Variants in TGM7 observed in about 807,000 individuals in gnomAD.
The protein encoded by TGM7 is transglutaminase 7.
A neutral mutation model predicts 79.5 loss-of-function variants in TGM7; 74 were observed. That is an observed-to-expected ratio of 0.93 (90% CI 0.77 to 1.13). The LOEUF (loss-of-function observed/expected upper bound fraction) is 1.13. Ranked by LOEUF, TGM7 falls within the 50% of genes most tolerant of loss-of-function variation. The probability of loss-of-function intolerance (pLI) is 0.00; values close to 1 mark genes in which losing one functional copy is unlikely to be tolerated. For missense variants in TGM7, 912 were observed against 905.9 expected (o/e 1.01, Z -0.09); for synonymous variants, 354 against 362.5 (o/e 0.98, Z 0.27).
rs1566846733 is a variant in TGM7 at position 43,293,461 on chromosome 15, C to T, written c.181G>A (p.Val61Met). Reference protein sequence around the residue: ...FQSQNDHITFVAETGPKPSEL... With the variant: ...FQSQNDHITFMAETGPKPSEL... Reference sequence around the variant, plus strand: ...AGGGCAAACTCACCGGTCTCAGCCACAAAGGTGATGTGGTCGTTCTGGGAC... The same window carrying T: ...AGGGCAAACTCACCGGTCTCAGCCATAAAGGTGATGTGGTCGTTCTGGGAC... Residue 61 changes from valine (V) to methionine (M), a missense_variant, in exon 2 of 13, where the codon GTG becomes ATG. By Grantham distance (21) the Val-to-Met change is conservative. Coordinates refer to ENST00000452443, the MANE Select transcript of TGM7 (RefSeq NM_052955.3). 3 of 1,603,872 alleles carry T rather than the reference C, an allele frequency of 1.9e-6. No homozygotes were observed. Among genetic ancestry groups the T allele is most frequent in the South Asian group, 2.2e-5 (2 of 90,526 alleles).
Position 43,276,999 on chromosome 15 carries a change from T to C in TGM7, c.1840-4A>G. ...CCACCTCAGCCCTCTCAGACACCTGTGTGGAGAGAAGTCAGCAATCCCATG... is the reference window on the plus strand; with the variant it reads ...CCACCTCAGCCCTCTCAGACACCTGCGTGGAGAGAAGTCAGCAATCCCATG... On this transcript the variant is annotated splice_polypyrimidine_tract_variant and splice_region_variant and intron_variant, in intron 11 of 12. Transcript: ENST00000452443. 6.2e-7 allele frequency: 1 copy of C among 1,613,656 alleles called. No homozygotes were observed. The highest frequency in any genetic ancestry group is 8.5e-7 in the Non-Finnish European group (1 of 1,179,870).
chr15:43,294,881 A>G (rs1310445889), intron 1 of TGM7, among the ~76,000 whole-genome samples: 1 of 149,922 alleles, frequency 6.7e-6, no homozygotes, highest in Admixed American at 6.6e-5. Flanking sequence ...ATGTTTTTGC[A>G]TCTTTCCTAC....
chr15:43,293,066 G>T, intron 2 of TGM7, 112 bp from the exon 3 acceptor site: 1 of 1,446,570 alleles, frequency 6.9e-7, no homozygotes, highest in Non-Finnish European at 9.3e-7. Context: ...AATGCTTTTG[G>T]CTTTTACTGC....
At chr15:43,294,515 C>A (rs1038580895) in intron 1 of TGM7, among the ~76,000 whole-genome samples, 2 of 152,356 alleles carry the variant, frequency 1.3e-5, no homozygotes, top group East Asian at 1.9e-4. Flanking sequence ...AGTGAGGATG[C>A]CCATGGAAGG....
chr15:43,285,066 A>G (rs2042928612), intron 6 of TGM7, 114 bp from the exon 7 acceptor site: 4 of 1,174,568 alleles, frequency 3.4e-6, no homozygotes, highest in South Asian at 1.4e-5. Flanking sequence ...CGCTTACGGA[A>G]CCACACCAGT....
intron 3 of TGM7, 76 bp downstream of exon 3, chr15:43,292,633 T>C: frequency 6.4e-7 from 1 of 1,564,936 alleles, no homozygotes; most frequent in Non-Finnish European, 8.7e-7. Flanking sequence ...ATTTATTTTC[T>C]GGGCTTTTTC....
intron 1 of TGM7, among the ~76,000 whole-genome samples, chr15:43,301,852 A>G (rs1392922961): frequency 6.6e-6 from 1 of 152,008 alleles, no homozygotes; most frequent in Non-Finnish European, 1.5e-5. Flanking sequence ...GAGAAGCTGG[A>G]CAAGGGAGAG....
intron 7 of TGM7, among the ~76,000 whole-genome samples, chr15:43,284,408 G>A (rs988271564): frequency 1.3e-5 from 2 of 152,118 alleles, no homozygotes; most frequent in Non-Finnish European, 2.9e-5. Flanking sequence ...GGAGTGGGTT[G>A]GGCAGAGGAA....
At chr15:43,285,175 C>T (rs905125326) in intron 6 of TGM7, among the ~76,000 whole-genome samples, 2 of 152,182 alleles carry the variant, frequency 1.3e-5, no homozygotes, top group African/African-American at 4.8e-5. Flanking sequence ...TTGAGGGTCG[C>T]TTAAAACAAC....
Position 43,282,085 on chromosome 15 carries a change from C to G in TGM7, c.1110G>C (p.Gly370=), listed in dbSNP as rs1371433325. 1 of 1,613,682 alleles carries G rather than the reference C, an allele frequency of 6.2e-7. No individual in the cohort carries two copies. The highest frequency in any genetic ancestry group is 8.5e-7 in the Non-Finnish European group (1 of 1,179,788). Reference sequence around the variant, plus strand: ...CAGAGGCAGGGCCACAGCAGAACAGCCCTGTGGAGGCAACAGGCTACTGAT... The same window carrying G: ...CAGAGGCAGGGCCACAGCAGAACAGGCCTGTGGAGGCAACAGGCTACTGAT... ...LDPTPQQTSS[G]LFCCGPASVK... Residue 370 remains glycine (G), a splice_region_variant and synonymous_variant, in exon 9 of 13, where the codon GGG becomes GGC. Coordinates refer to ENST00000452443, the MANE Select transcript of TGM7 (RefSeq NM_052955.3).
intron 4 of TGM7, among the ~76,000 whole-genome samples, chr15:43,290,971 G>A (rs570461719): frequency 1.1e-3 from 175 of 152,290 alleles, no homozygotes; most frequent in African/African-American, 4.1e-3. Flanking sequence ...GGGCTGAGAC[G>A]TTGGGGTTTT....
Position 43,283,405 on chromosome 15 carries a change from C to T in TGM7, c.1005-785G>A, listed in dbSNP as rs574631618. ...TACGCAGAATGTTGTCTCCTTTGAT[C>T]TTGGAACAGTTCCTTCGCCTTTCTT... On this transcript the variant is annotated intron_variant, in intron 7 of 12. Coordinates refer to ENST00000452443, the MANE Select transcript of TGM7 (RefSeq NM_052955.3). 5.3e-5 allele frequency among the ~76,000 whole-genome samples: 8 copies of T among 152,330 alleles called. No individual in the cohort carries two copies. The East Asian group carries it at 1.4e-3, about 26-fold the overall frequency.
At chr15:43,280,783 T>G (rs1274094512) in intron 9 of TGM7, among the ~76,000 whole-genome samples, 1 of 152,034 alleles carries the variant, frequency 6.6e-6, no homozygotes, top group East Asian at 1.9e-4. Context: ...AAGGGATGAA[T>G]GTAGAAATGG....
intron 1 of TGM7, among the ~76,000 whole-genome samples, chr15:43,297,621 G>GAAAGAAAGAAAGAAAT (rs2043005424): frequency 6.6e-6 from 1 of 151,146 alleles, no homozygotes; most frequent in Non-Finnish European, 1.5e-5. Context: ...AAGAAAGAAA[G>GAAAGAAAGAAAGAAAT]AAAGAAAGAA....
chr15:43,291,923 T>C (rs2042965064), intron 4 of TGM7, 56 bp downstream of exon 4: 2 of 1,275,792 alleles, frequency 1.6e-6, no homozygotes, highest in African/African-American at 2.9e-5. Flanking sequence ...AACAGGGTTG[T>C]GTAAGGACCA....
intron 9 of TGM7, 43 bp from the exon 10 acceptor site, chr15:43,279,994 G>A: frequency 3.2e-6 from 5 of 1,578,140 alleles, no homozygotes; most frequent in Non-Finnish European, 4.3e-6. Flanking sequence ...GGGGAGGGGT[G>A]GAGAGGACCA....
chr15:43,300,210 A>G (rs825740), intron 1 of TGM7, among the ~76,000 whole-genome samples: 41,169 of 152,162 alleles, frequency 0.27, 8,628 homozygotes, highest in African/African-American at 0.58. Context: ...CACTAGTTGA[A>G]TATCTAGTTA....
At chr15:43,283,694 C>T (rs1170309864) in intron 7 of TGM7, among the ~76,000 whole-genome samples, 1 of 152,194 alleles carries the variant, frequency 6.6e-6, no homozygotes, top group Non-Finnish European at 1.5e-5. Flanking sequence ...AGTTACATAT[C>T]CTCAGATACA....
chr15:43,279,078 CAGAG>C, intron 11 of TGM7, 35 bp downstream of exon 11: 1 of 1,586,008 alleles, frequency 6.3e-7, no homozygotes, highest in Non-Finnish European at 8.6e-7. Flanking sequence ...TTGGGTGAGT[CAGAG>C]AGCCTCAGAG....
Sources: gnomAD v4.1 joint callset for allele counts (sites outside exome capture counted in the v4.1 genomes callset) on GRCh38, gnomAD v4.1.1 for gene constraint, MANE v1.5 for transcripts, NCBI Gene and HGNC (gene_info 2026-07-23, HGNC 2026-07-21) for gene names.